The following MYO3B variants were observed in gnomAD, a reference collection of about 807,000 sequenced individuals.
MYO3B encodes the protein myosin IIIB.
In MYO3B, 156 loss-of-function variants were observed where a neutral mutation model predicts 174.6. That is an observed-to-expected ratio of 0.89 (90% CI 0.78 to 1.02). The LOEUF is 1.02. Among genes scored for constraint, MYO3B ranks in the 50% least tolerant of loss-of-function variants. MYO3B has a pLI of 0.00. For missense variants in MYO3B, 1,632 were observed against 1,639.4 expected, an observed-to-expected ratio of 1.00 and a Z score of 0.08; for synonymous variants, 563 against 569.1, an observed-to-expected ratio of 0.99 and a Z score of 0.15.
chr2:170,597,302 C>T (rs964791119), intron 32 of MYO3B, among the ~76,000 whole-genome samples: 2 of 148,922 alleles, frequency 1.3e-5, no homozygotes, highest in South Asian at 4.3e-4. Flanking sequence ...GCCCAGGAGG[C>T]AGTTGCAGTG....
intron 7 of MYO3B, among the ~76,000 whole-genome samples, chr2:170,265,184 C>T (rs1356156197): frequency 6.6e-6 from 1 of 152,186 alleles, no homozygotes; most frequent in African/African-American, 2.4e-5. Flanking sequence ...CTCCCAAAGT[C>T]TTCCTCTAGT....
Position 170,234,178 on chromosome 2 carries a change from A to AC in MYO3B, c.604-1813_604-1812insC, listed in dbSNP as rs1559321934. Among the ~76,000 whole-genome samples, 7 of 71,472 alleles carry AC rather than the reference A, an allele frequency of 9.8e-5. No individual in the cohort carries two copies. The Admixed American group carries it at 1.0e-3, about 11-fold the overall frequency. The allele number at this position is 71,472 out of a possible 152,430, so 46.9% of individuals were successfully genotyped here. A position where few individuals can be genotyped will look rare whatever the true frequency, so the allele number is the denominator to read the frequency against. ...AGAGTGAGACTCCGTCTCAAAAAAA[A>AC]AAAAAAAAACAAAACAAAACAAAAA... is the stretch of plus-strand genomic sequence containing the variant. On this transcript the variant is annotated intron_variant, in intron 6 of 34. Transcript: ENST00000408978.
intron 3 of MYO3B, 117 bp from the exon 4 acceptor site, chr2:170,214,262 G>C: frequency 1.4e-6 from 1 of 720,720 alleles, no homozygotes; most frequent in Non-Finnish European, 2.3e-6. Flanking sequence ...CTGGAGTTTT[G>C]TAATCTGCAA....
chr2:170,596,487 C>T lies in MYO3B; in HGVS notation c.3733+52499C>T, dbSNP rs561571160. Among the ~76,000 whole-genome samples the T allele has an allele frequency of 3.3e-5, 5 of 152,300 alleles. No individual in the cohort carries two copies. In the East Asian group the frequency reaches 9.6e-4, roughly 29 times the overall value. On this transcript the variant is annotated intron_variant, in intron 32 of 34. Coordinates refer to ENST00000408978, the MANE Select transcript of MYO3B (RefSeq NM_138995.5). ...AGAGTACAACGTAAACCGTGCAGAACGATGTTTCTAACTGTTCTACATACC... is the reference window on the plus strand; with the variant it reads ...AGAGTACAACGTAAACCGTGCAGAATGATGTTTCTAACTGTTCTACATACC...
At chr2:170,275,235 G>A (rs1013187448) in intron 7 of MYO3B, among the ~76,000 whole-genome samples, 1 of 152,104 alleles carries the variant, frequency 6.6e-6, no homozygotes, top group Non-Finnish European at 1.5e-5. Flanking sequence ...ATTTAAACAC[G>A]CCAATTGAAA....
In MYO3B at chr2:170,304,967, G is replaced by A. The variant is rs151219978; in HGVS notation, c.750-30418G>A. ...AAATCTGTCAATTTTTCCCTTTATG[G>A]CTTTTGAATTCTATTTCATGCTTAT... On this transcript the variant is annotated intron_variant, in intron 7 of 34. Coordinates refer to ENST00000408978, the MANE Select transcript of MYO3B (RefSeq NM_138995.5). Among the ~76,000 whole-genome samples, 401 of 150,328 alleles carry A rather than the reference G, an allele frequency of 2.7e-3. 3 individuals are homozygous for A. Among genetic ancestry groups the A allele is most frequent in the African/African-American group, 9.5e-3 (389 of 40,810 alleles).
chr2:170,225,441 TAGATG>T (rs1489389307), intron 6 of MYO3B, among the ~76,000 whole-genome samples: 5 of 152,222 alleles, frequency 3.3e-5, no homozygotes, highest in Non-Finnish European at 7.4e-5. Flanking sequence ...ATTCTTAACA[TAGATG>T]AGAATTATCC....
chr2:170,261,648 A>T (rs1259148268), intron 7 of MYO3B, among the ~76,000 whole-genome samples: 5 of 152,202 alleles, frequency 3.3e-5, no homozygotes, highest in African/African-American at 9.7e-5. Context: ...GTGATCTTTC[A>T]TCATGAAGTG....
chr2:170,606,052 C>A (rs1243344337), intron 32 of MYO3B, among the ~76,000 whole-genome samples: 1 of 152,174 alleles, frequency 6.6e-6, no homozygotes, highest in Non-Finnish European at 1.5e-5. Context: ...AGATAACCAT[C>A]ACCTCTGACC....
chr2:170,502,684 G>A (rs1263509318), intron 28 of MYO3B, among the ~76,000 whole-genome samples: 1 of 152,180 alleles, frequency 6.6e-6, no homozygotes, highest in Non-Finnish European at 1.5e-5. Context: ...AGGCCCCTGA[G>A]CTCCAGGAGC....
chr2:170,289,425 A>G (rs11687862), intron 7 of MYO3B, among the ~76,000 whole-genome samples: 67,536 of 151,912 alleles, frequency 0.44, 17,144 homozygotes, highest in East Asian at 0.67. Flanking sequence ...CTATTTCTTC[A>G]TGGTTCAATT....
intron 30 of MYO3B, among the ~76,000 whole-genome samples, chr2:170,540,381 T>C (rs1690010089): frequency 6.6e-6 from 1 of 152,178 alleles, no homozygotes. Context: ...CTTTGCCTGG[T>C]GCCTGGTGGT....
At chr2:170,441,705 G>C (rs979441393) in intron 22 of MYO3B, among the ~76,000 whole-genome samples, 1 of 152,204 alleles carries the variant, frequency 6.6e-6, no homozygotes, top group African/African-American at 2.4e-5. Context: ...GTAACTTCCT[G>C]ATGTTGCCAT....
chr2:170,570,802 A>G (rs992264309), intron 32 of MYO3B, among the ~76,000 whole-genome samples: 1 of 152,040 alleles, frequency 6.6e-6, no homozygotes, highest in Non-Finnish European at 1.5e-5. Flanking sequence ...TCAAATTTCC[A>G]GGCAGTTCTC....
At chr2:170,536,691 A>G (rs998638535) in intron 30 of MYO3B, among the ~76,000 whole-genome samples, 8 of 152,338 alleles carry the variant, frequency 5.3e-5, no homozygotes, top group African/African-American at 1.7e-4. Context: ...ATAGTGAGGC[A>G]TATTTTGCAA....
At chr2:170,625,850 G>A (rs934387161) in intron 32 of MYO3B, among the ~76,000 whole-genome samples, 6 of 152,210 alleles carry the variant, frequency 3.9e-5, no homozygotes, top group African/African-American at 1.4e-4. Context: ...CAGTTCCCAC[G>A]TAGTTGAGCG....
intron 7 of MYO3B, among the ~76,000 whole-genome samples, chr2:170,307,367 G>C (rs1219466329): frequency 6.6e-6 from 1 of 151,724 alleles, no homozygotes; most frequent in Non-Finnish European, 1.5e-5. Flanking sequence ...CCAAAGAACA[G>C]GTTCTCAAAC....
chr2:170,287,978 C>T (rs998642126), intron 7 of MYO3B, among the ~76,000 whole-genome samples: 1 of 151,738 alleles, frequency 6.6e-6, no homozygotes, highest in African/African-American at 2.4e-5. Flanking sequence ...TTGAAAAGAC[C>T]GTCCTTTCCC....
chr2:170,510,204 C>T (rs1007761864), intron 28 of MYO3B, among the ~76,000 whole-genome samples: 2 of 152,204 alleles, frequency 1.3e-5, no homozygotes, highest in African/African-American at 2.4e-5. Flanking sequence ...GCAAGACTCT[C>T]CCCATCAGAC....
Sources: gnomAD v4.1 joint callset for allele counts (sites outside exome capture counted in the v4.1 genomes callset) on GRCh38, gnomAD v4.1.1 for gene constraint, MANE v1.5 for transcripts, NCBI Gene and HGNC (gene_info 2026-07-23, HGNC 2026-07-21) for gene names.